Variants in ROBO1 observed in about 807,000 individuals in gnomAD.
The protein encoded by ROBO1 is roundabout homolog 1.
In ROBO1, 149 loss-of-function variants were observed where a neutral mutation model predicts 195.9. That is an observed-to-expected ratio of 0.76 (90% confidence interval 0.67 to 0.87). The LOEUF is 0.87. Ranked by LOEUF, ROBO1 falls within the 40% of genes least tolerant of loss-of-function variation. The pLI, the probability that ROBO1 is intolerant of heterozygous loss-of-function variation, is 0.00. For synonymous variants in ROBO1, 816 were observed against 733.2 expected (o/e 1.11, Z -1.82); for missense variants, 1,933 against 2,068.3 (o/e 0.93, Z 1.27).
intron 3 of ROBO1, among the ~76,000 whole-genome samples, chr3:79,081,510 G>A (rs769149763): frequency 2.0e-5 from 3 of 152,124 alleles, no homozygotes; most frequent in Non-Finnish European, 2.9e-5. Flanking sequence ...GAGGGAGAAG[G>A]TTACTTAATC....
chr3:79,151,382 C>T lies in ROBO1; in HGVS notation c.89-25843G>A, dbSNP rs375643292. 1.2e-4 allele frequency among the ~76,000 whole-genome samples: 18 copies of T among 151,870 alleles called. 1 individual carries two copies. Among genetic ancestry groups the T allele is most frequent in the African/African-American group, 4.1e-4 (17 of 41,492 alleles). ...CCCAACCTCTCCTTTCTGCATTTCACACATCATTTCAATCACCAAGTATTC... is the reference window on the plus strand; with the variant it reads ...CCCAACCTCTCCTTTCTGCATTTCATACATCATTTCAATCACCAAGTATTC... On this transcript the variant is annotated intron_variant, in intron 2 of 30. Coordinates refer to ENST00000464233, the MANE Select transcript of ROBO1 (RefSeq NM_002941.4).
chr3:79,484,709 T>C (rs572234316), intron 2 of ROBO1, among the ~76,000 whole-genome samples: 38 of 149,616 alleles, frequency 2.5e-4, no homozygotes, highest in African/African-American at 9.3e-4. Context: ...GGGTTAAGTA[T>C]ATTGTGATAA....
intron 5 of ROBO1, among the ~76,000 whole-genome samples, chr3:78,740,466 CTTTCTTTCTTTCT>C (rs2082501750): frequency 6.8e-6 from 1 of 147,318 alleles, no homozygotes; most frequent in Non-Finnish European, 1.5e-5. Context: ...TTCTTTCTTT[CTTTCTTTCTTTCT>C]TTTTTTTTTG....
intron 1 of ROBO1, among the ~76,000 whole-genome samples, chr3:79,684,281 C>T (rs1420202367): frequency 6.6e-6 from 1 of 152,036 alleles, no homozygotes; most frequent in Non-Finnish European, 1.5e-5. Context: ...AACCCTTTGC[C>T]CAGTTTTATT....
intron 4 of ROBO1, among the ~76,000 whole-genome samples, chr3:78,801,289 A>G (rs2084363025): frequency 6.6e-6 from 1 of 152,218 alleles, no homozygotes; most frequent in African/African-American, 2.4e-5. Context: ...TGTTCAAGGC[A>G]TATTCGATTA....
intron 2 of ROBO1, among the ~76,000 whole-genome samples, chr3:79,201,827 GTTGTAGTAA>G (rs1296889040): frequency 6.6e-6 from 1 of 151,066 alleles, no homozygotes; most frequent in Non-Finnish European, 1.5e-5. Flanking sequence ...AGGTATTATT[GTTGTAGTAA>G]TAATTATTCA....
intron 8 of ROBO1, among the ~76,000 whole-genome samples, chr3:78,704,495 C>T (rs2081499519): frequency 6.6e-6 from 1 of 151,912 alleles, no homozygotes; most frequent in African/African-American, 2.4e-5. Context: ...TTATCCCCTA[C>T]TGGCAATAAA....
intron 4 of ROBO1, among the ~76,000 whole-genome samples, chr3:78,747,977 T>C (rs1300844368): frequency 2.6e-5 from 4 of 152,172 alleles, no homozygotes; most frequent in South Asian, 2.1e-4. Context: ...GATGAACATA[T>C]ATATACTTCA....
At chr3:79,423,566 T>C (rs893971138) in intron 2 of ROBO1, among the ~76,000 whole-genome samples, 1 of 152,106 alleles carries the variant, frequency 6.6e-6, no homozygotes, top group Non-Finnish European at 1.5e-5. Context: ...GCTGAGCCTC[T>C]ATGTTCTCAC....
intron 4 of ROBO1, among the ~76,000 whole-genome samples, chr3:78,843,107 G>T (rs940840853): frequency 2.0e-5 from 3 of 152,002 alleles, no homozygotes; most frequent in Admixed American, 1.3e-4. Context: ...TGTTTTATGT[G>T]CTTAAAATTT....
At chr3:78,768,255 G>T (rs1468576568) in intron 4 of ROBO1, among the ~76,000 whole-genome samples, 1 of 151,720 alleles carries the variant, frequency 6.6e-6, no homozygotes, top group Non-Finnish European at 1.5e-5. Flanking sequence ...GGGGGGTGGG[G>T]TGGAGTCGAT....
At chr3:79,687,841 A>G (rs920867244) in intron 1 of ROBO1, among the ~76,000 whole-genome samples, 2 of 152,150 alleles carry the variant, frequency 1.3e-5, no homozygotes, top group Admixed American at 1.3e-4. Context: ...AACTGGAAAT[A>G]CAATTTGACC....
intron 5 of ROBO1, among the ~76,000 whole-genome samples, chr3:78,723,376 C>G (rs1576023772): frequency 6.6e-6 from 1 of 152,102 alleles, no homozygotes; most frequent in African/African-American, 2.4e-5. Flanking sequence ...ATCATGGTCG[C>G]ACACAATAAA....
intron 2 of ROBO1, among the ~76,000 whole-genome samples, chr3:79,570,177 T>C (rs774026705): frequency 4.6e-4 from 70 of 151,952 alleles, no homozygotes; most frequent in Non-Finnish European, 7.8e-4. Context: ...AGTATTTAAA[T>C]AGGTGAACAA....
chr3:78,806,052 T>C (rs1301938558), intron 4 of ROBO1, among the ~76,000 whole-genome samples: 1 of 152,102 alleles, frequency 6.6e-6, no homozygotes, highest in Non-Finnish European at 1.5e-5. Flanking sequence ...CTTGAACTCC[T>C]GGGCTCAAGC....
At chr3:78,934,470 C>A (rs917583466) in intron 4 of ROBO1, among the ~76,000 whole-genome samples, 2 of 151,616 alleles carry the variant, frequency 1.3e-5, no homozygotes, top group Non-Finnish European at 3.0e-5. Context: ...GTAAAGGAAA[C>A]AAGGAATATT....
rs141163336 is a variant in ROBO1 at position 78,754,570 on chromosome 3, C to G, written c.500-7670G>C. 3.7e-3 allele frequency among the ~76,000 whole-genome samples: 569 copies of G among 152,204 alleles called. 10 individuals carry two copies. The highest frequency in any genetic ancestry group is 1.1e-3 in the Non-Finnish European group (74 of 68,018). On this transcript the variant is annotated intron_variant, in intron 4 of 30. Transcript: ENST00000464233. ...ATTATCCCCTAGTATTTCCAGTGCCCAGGACAACATCCAAGACACAGGAGG... is the reference window on the plus strand; with the variant it reads ...ATTATCCCCTAGTATTTCCAGTGCCGAGGACAACATCCAAGACACAGGAGG...
At chr3:79,126,643 G>A (rs375340979) in intron 2 of ROBO1, among the ~76,000 whole-genome samples, 1 of 152,220 alleles carries the variant, frequency 6.6e-6, no homozygotes, top group East Asian at 1.9e-4. Context: ...GGGCTTTCAA[G>A]AGAATCACCT....
chr3:78,790,803 T>A (rs2083995870), intron 4 of ROBO1, among the ~76,000 whole-genome samples: 1 of 152,214 alleles, frequency 6.6e-6, no homozygotes, highest in African/African-American at 2.4e-5. Context: ...ATTCACATTT[T>A]GCATTTGATT....
Sources: gnomAD v4.1 joint callset for allele counts (sites outside exome capture counted in the v4.1 genomes callset) on GRCh38, gnomAD v4.1.1 for gene constraint, MANE v1.5 for transcripts, NCBI Gene and HGNC (gene_info 2026-07-23, HGNC 2026-07-21) for gene names.